The following NCAM1 variants were observed in gnomAD, a reference collection of about 807,000 sequenced individuals.
NCAM1 encodes neural cell adhesion molecule 1.
A neutral mutation model predicts 109.8 loss-of-function variants in NCAM1; 14 were observed. The observed-to-expected ratio is 0.13, with a 90% CI of 0.08 to 0.20. NCAM1 has a LOEUF of 0.20. NCAM1 is among the 10% of genes least tolerant of loss of function. The pLI is 1.00. For synonymous variants in NCAM1, 418 were observed against 442.9 expected, an observed-to-expected ratio of 0.94 and a Z score of 0.70; for missense variants, 774 against 1,109.9, an observed-to-expected ratio of 0.70 and a Z score of 4.30.
chr11:113,048,164 A>G (rs1187579294), intron 1 of NCAM1, among the ~76,000 whole-genome samples: 1 of 152,208 alleles, frequency 6.6e-6, no homozygotes, highest in African/African-American at 2.4e-5. Flanking sequence ...TTCCTGAGAA[A>G]AGGAGACAAA....
intron 14 of NCAM1, 21 bp downstream of exon 14, chr11:113,235,185 C>T (rs646558): frequency 6.2e-7 from 1 of 1,613,538 alleles, no homozygotes; most frequent in Non-Finnish European, 8.5e-7. Context: ...CCAGCTGCCC[C>T]CCTTTTCCCA....
At chr11:113,140,666 C>T (rs1161231821) in intron 1 of NCAM1, among the ~76,000 whole-genome samples, 1 of 152,006 alleles carries the variant, frequency 6.6e-6, no homozygotes, top group Non-Finnish European at 1.5e-5. Flanking sequence ...TAAAATTGGC[C>T]CACATTCTAG....
intron 1 of NCAM1, among the ~76,000 whole-genome samples, chr11:113,055,815 C>T (rs1953676358): frequency 6.6e-6 from 1 of 151,332 alleles, no homozygotes; most frequent in African/African-American, 2.4e-5. Context: ...AGAACTACCA[C>T]GTGACTCAGC....
chr11:113,243,744 A>AAAAAT (rs1945415933), intron 14 of NCAM1: 1 of 313,742 alleles, frequency 3.2e-6, no homozygotes, highest in Admixed American at 3.4e-5. Context: ...TGCACAGAAA[A>AAAAAT]AAAATGGCAT....
intron 1 of NCAM1, among the ~76,000 whole-genome samples, chr11:113,176,355 C>G (rs1943143217): frequency 6.6e-6 from 1 of 152,134 alleles, no homozygotes; most frequent in South Asian, 2.1e-4. Context: ...TTATGTTACT[C>G]TAAATTAGAT....
chr11:113,091,150 G>A (rs1342204083), intron 1 of NCAM1, among the ~76,000 whole-genome samples: 2 of 152,140 alleles, frequency 1.3e-5, no homozygotes, highest in East Asian at 3.8e-4. Context: ...CACACACTTT[G>A]TAGAATAAAT....
chr11:112,982,631 A>T (rs1302728679), intron 1 of NCAM1, among the ~76,000 whole-genome samples: 2 of 151,888 alleles, frequency 1.3e-5, no homozygotes, highest in Non-Finnish European at 2.9e-5. Flanking sequence ...TGCAAGAAAT[A>T]CTACAGAGGG....
rs140578317 is a variant in NCAM1, at chr11:113,178,304, G to A, written c.53-24075G>A. ...GAAGAGTAAAATAACTAAGGATGGG[G>A]ACACTCTCACGTTACACCACATCCC... On this transcript the variant is annotated intron_variant, in intron 1 of 19. Coordinates refer to ENST00000316851, the MANE Select transcript of NCAM1 (RefSeq NM_181351.5). Among the ~76,000 whole-genome samples, 27 of 152,216 alleles carry A rather than the reference G, an allele frequency of 1.8e-4. No individual in the cohort carries two copies. The South Asian group carries it at 3.5e-3, about 20-fold the overall frequency.
chr11:113,264,865 G>T (rs185805716), intron 17 of NCAM1: 10 of 985,396 alleles, frequency 1.0e-5, no homozygotes, highest in Non-Finnish European at 1.2e-5. Context: ...CAGCACTAGC[G>T]CATACCCACT....
At chr11:113,035,935 G>A (rs1952865371) in intron 1 of NCAM1, among the ~76,000 whole-genome samples, 2 of 152,084 alleles carry the variant, frequency 1.3e-5, no homozygotes, top group African/African-American at 2.4e-5. Context: ...CCAGTTTAAG[G>A]ATGTGACTCC....
In NCAM1 at chr11:113,193,619, A is replaced by AGT. The variant is rs782051199; in HGVS notation, c.53-8759_53-8758insTG. 1.9e-3 allele frequency among the ~76,000 whole-genome samples: 295 copies of AGT among 152,280 alleles called. 1 individual carries two copies. Among genetic ancestry groups the AGT allele is most frequent in the Middle Eastern group, 0.014 (4 of 294 alleles). On this transcript the variant is annotated intron_variant, in intron 1 of 19. Coordinates refer to ENST00000316851, the MANE Select transcript of NCAM1 (RefSeq NM_181351.5). Reference sequence around the variant, plus strand: ...AGTGAAGCGAGATCCAGCCTGGGCAAGAAGAGCAAAATTCTGTGTCAAAAA... The same window carrying AGT: ...AGTGAAGCGAGATCCAGCCTGGGCAAGTGAAGAGCAAAATTCTGTGTCAAAAA...
intron 1 of NCAM1, among the ~76,000 whole-genome samples, chr11:113,066,544 A>G (rs1319883165): frequency 3.3e-5 from 5 of 152,200 alleles, no homozygotes; most frequent in Non-Finnish European, 7.3e-5. Context: ...TTTGCCTACC[A>G]TAAAGATATT....
At chr11:113,232,877 A>C (rs1409387664) in intron 12 of NCAM1, 63 bp downstream of exon 12, 24 of 1,402,556 alleles carry the variant, frequency 1.7e-5, no homozygotes, top group Non-Finnish European at 2.4e-5. Context: ...CTGCCAGCCC[A>C]ATTTGTGTAC....
At chr11:113,243,468 G>T in intron 14 of NCAM1, 2 of 457,840 alleles carry the variant, frequency 4.4e-6, no homozygotes, top group Middle Eastern at 3.5e-4. Flanking sequence ...CTCCCCTTGG[G>T]TTGAGAGTCC....
chr11:113,203,445 G>A (rs1014830946), intron 2 of NCAM1, among the ~76,000 whole-genome samples: 48 of 152,262 alleles, frequency 3.2e-4, no homozygotes, highest in African/African-American at 1.1e-3. Flanking sequence ...GGGCTGGGTG[G>A]TGCAGGCTGA....
At chr11:113,256,864 G>A (rs1555122424) in intron 16 of NCAM1, among the ~76,000 whole-genome samples, 1 of 152,210 alleles carries the variant, frequency 6.6e-6, no homozygotes, top group Admixed American at 6.5e-5. Context: ...TTTCGTAGTA[G>A]AGAAAAGAAT....
chr11:113,206,256 T>C (rs1168833523), intron 5 of NCAM1, 76 bp downstream of exon 5: 1 of 1,470,134 alleles, frequency 6.8e-7, no homozygotes, highest in Non-Finnish European at 9.1e-7. Flanking sequence ...TTTAACTTCC[T>C]CTTGGGTCTG....
intron 1 of NCAM1, among the ~76,000 whole-genome samples, chr11:113,028,026 G>T (rs1346984791): frequency 1.3e-5 from 2 of 152,176 alleles, no homozygotes; most frequent in African/African-American, 4.8e-5. Context: ...TAGAATAGCG[G>T]TTACCAGAGG....
At chr11:113,063,864 A>G (rs1274559741) in intron 1 of NCAM1, among the ~76,000 whole-genome samples, 1 of 152,026 alleles carries the variant, frequency 6.6e-6, no homozygotes, top group African/African-American at 2.4e-5. Context: ...GCACCAGAAT[A>G]TGCCCATCAT....
Sources: allele counts gnomAD v4.1 joint callset (sites outside exome capture counted in the v4.1 genomes callset), GRCh38; gene constraint gnomAD v4.1.1; transcripts MANE v1.5; gene names NCBI Gene and HGNC (gene_info 2026-07-23, HGNC 2026-07-21).